Variants in XRCC4 observed in about 807,000 individuals in gnomAD.
The protein encoded by XRCC4 is X-ray repair cross complementing 4.
Under a neutral mutation model 39.1 loss-of-function variants are expected in XRCC4, and 28 were observed. The ratio of observed to expected loss-of-function variants is 0.72; its 90% confidence interval spans 0.53 to 0.98. The LOEUF (loss-of-function observed/expected upper bound fraction) is 0.98. Among genes scored for constraint, XRCC4 ranks in the 50% least tolerant of loss-of-function variants. The probability of loss-of-function intolerance (pLI) is 0.00; values close to 1 mark genes in which losing one functional copy is unlikely to be tolerated. For synonymous variants in XRCC4, 123 were observed against 126.4 expected (o/e 0.97, Z 0.18); for missense variants, 350 against 376.4 (o/e 0.93, Z 0.58).
At chr5:83,328,599 T>C (rs1333854174) in intron 7 of XRCC4, among the ~76,000 whole-genome samples, 1 of 152,154 alleles carries the variant, frequency 6.6e-6, no homozygotes, top group Non-Finnish European at 1.5e-5. Flanking sequence ...CCATTATTTG[T>C]AGTTTCACTT....
chr5:83,265,388 G>T (rs1753919050), intron 7 of XRCC4, among the ~76,000 whole-genome samples: 1 of 152,056 alleles, frequency 6.6e-6, no homozygotes, highest in Non-Finnish European at 1.5e-5. Context: ...ACATGGTGGT[G>T]GTTTTAAAAC....
At chr5:83,244,576 T>TA (rs1314721049) in intron 6 of XRCC4, among the ~76,000 whole-genome samples, 2 of 196 alleles carry the variant, frequency 0.01, no homozygotes, top group African/African-American at 0.025. Context: ...TTATGATAAC[T>TA]CCTTTGGGGC....
intron 7 of XRCC4, among the ~76,000 whole-genome samples, chr5:83,298,991 C>T (rs1458313951): frequency 6.6e-6 from 1 of 151,888 alleles, no homozygotes; most frequent in Non-Finnish European, 1.5e-5. Context: ...AGTCAATGCT[C>T]ATTTTAATTT....
intron 7 of XRCC4, among the ~76,000 whole-genome samples, chr5:83,303,704 T>G (rs1276516103): frequency 6.6e-6 from 1 of 152,066 alleles, no homozygotes; most frequent in African/African-American, 2.4e-5. Context: ...CAACAGCAAA[T>G]TCACTTAGAG....
intron 1 of XRCC4, among the ~76,000 whole-genome samples, chr5:83,101,595 T>G (rs1271235620): frequency 6.6e-6 from 1 of 152,138 alleles, no homozygotes; most frequent in African/African-American, 2.4e-5. Flanking sequence ...AGGATTCTTC[T>G]TACATTCTTG....
chr5:83,132,015 A>G (rs6452516), intron 3 of XRCC4, among the ~76,000 whole-genome samples: 85,738 of 151,956 alleles, frequency 0.56, 25,084 homozygotes, highest in African/African-American at 0.71. Flanking sequence ...GCAGTGGCTC[A>G]TACTGGTTGT....
intron 7 of XRCC4, among the ~76,000 whole-genome samples, chr5:83,309,030 A>G (rs997264144): frequency 4.0e-5 from 6 of 151,796 alleles, no homozygotes; most frequent in African/African-American, 1.5e-4. Context: ...CTGTAATCCC[A>G]GCACTTTGGG....
rs1047205100 is a variant in XRCC4 at position 83,196,049 on chromosome 5, T to G, written c.482+113T>G. The G allele has an allele frequency of 6.4e-6, 7 of 1,088,728 alleles. No individual in the cohort carries two copies. The Admixed American group carries it at 8.4e-5, about 13-fold the overall frequency. 67.4% of individuals were successfully genotyped at this position (1,088,728 alleles called of 1,614,324 possible). On this transcript the variant is annotated intron_variant, in intron 4 of 7. Transcript: ENST00000396027. ...TATATGTGGATTAGCACATATATAT[T>G]TACCTTAACTGAATATGATTAAACG...
At chr5:83,116,304 A>C (rs1272657958) in intron 3 of XRCC4, among the ~76,000 whole-genome samples, 1 of 152,138 alleles carries the variant, frequency 6.6e-6, no homozygotes, top group East Asian at 1.9e-4. Context: ...TTGTTTCTTA[A>C]TGTAAGGTTG....
chr5:83,278,973 C>T (rs1280688268), intron 7 of XRCC4, among the ~76,000 whole-genome samples: 3 of 144,124 alleles, frequency 2.1e-5, no homozygotes, highest in Non-Finnish European at 3.0e-5. Flanking sequence ...TCCACTCCAG[C>T]CTGGGCGGCA....
chr5:83,210,818 T>A (rs1196980764), intron 6 of XRCC4, among the ~76,000 whole-genome samples: 2 of 152,206 alleles, frequency 1.3e-5, no homozygotes, highest in African/African-American at 4.8e-5. Context: ...TCCCTGTGTA[T>A]ATTAATTTCT....
At chr5:83,191,417 AG>A (rs1299819659) in intron 3 of XRCC4, among the ~76,000 whole-genome samples, 2 of 152,208 alleles carry the variant, frequency 1.3e-5, no homozygotes. Flanking sequence ...TTTTAAAAAC[AG>A]GAGTGTCCGG....
At chr5:83,292,887 G>A (rs1337606402) in intron 7 of XRCC4, among the ~76,000 whole-genome samples, 1 of 151,794 alleles carries the variant, frequency 6.6e-6, no homozygotes, top group Non-Finnish European at 1.5e-5. Flanking sequence ...TTTATGAAAA[G>A]AAGAAGTTAA....
chr5:83,174,891 AT>A (rs1440175250), intron 3 of XRCC4, among the ~76,000 whole-genome samples: 1 of 131,800 alleles, frequency 7.6e-6, no homozygotes, highest in Non-Finnish European at 1.8e-5. Flanking sequence ...CATAGTTTGT[AT>A]TAATTTTTAT....
At chr5:83,226,951 C>A (rs1022570018) in intron 6 of XRCC4, among the ~76,000 whole-genome samples, 1 of 151,974 alleles carries the variant, frequency 6.6e-6, no homozygotes, top group African/African-American at 2.4e-5. Context: ...TTTGTCTTTT[C>A]ATTTTCTGGG....
At chr5:83,174,280 T>C (rs1485228035) in intron 3 of XRCC4, among the ~76,000 whole-genome samples, 1 of 152,204 alleles carries the variant, frequency 6.6e-6, no homozygotes, top group Non-Finnish European at 1.5e-5. Context: ...TTTCTCATAA[T>C]TGAACATAAA....
the XRCC4 span, among the ~76,000 whole-genome samples, chr5:83,367,046 C>T: frequency 6.6e-6 from 1 of 152,138 alleles, no homozygotes; most frequent in Admixed American, 6.6e-5. Flanking sequence ...TTTGTTCTCT[C>T]CTACAACTTT....
intron 3 of XRCC4, among the ~76,000 whole-genome samples, chr5:83,113,855 T>C (rs915637649): frequency 6.6e-6 from 1 of 152,200 alleles, no homozygotes; most frequent in Non-Finnish European, 1.5e-5. Flanking sequence ...CTCAATCTCC[T>C]GACCTCGTGA....
At chr5:83,242,366 C>T (rs961663296) in intron 6 of XRCC4, among the ~76,000 whole-genome samples, 3 of 152,142 alleles carry the variant, frequency 2.0e-5, no homozygotes, top group Non-Finnish European at 2.9e-5. Flanking sequence ...AGATTATAAG[C>T]ATGCACAACT....
Sources: gnomAD v4.1 joint callset for allele counts (sites outside exome capture counted in the v4.1 genomes callset) on GRCh38, gnomAD v4.1.1 for gene constraint, MANE v1.5 for transcripts, NCBI Gene and HGNC (gene_info 2026-07-23, HGNC 2026-07-21) for gene names.